PCDH15: variants seen among roughly 807,000 people sequenced by gnomAD.
PCDH15 encodes protocadherin-15.
In PCDH15, 129 loss-of-function variants were observed where a neutral mutation model predicts 178.5. The observed-to-expected ratio is 0.72, with a 90% CI of 0.63 to 0.84. PCDH15 has a LOEUF of 0.84. Ranked by LOEUF, PCDH15 falls within the 40% of genes least tolerant of loss-of-function variation. The pLI is 0.00. For synonymous variants in PCDH15, 800 were observed against 732.0 expected, an observed-to-expected ratio of 1.09 and a Z score of -1.50; for missense variants, 2,230 against 2,099.9, an observed-to-expected ratio of 1.06 and a Z score of -1.21.
At chr10:55,313,676 A>C (rs1843648137) in intron 1 of PCDH15, among the ~76,000 whole-genome samples, 1 of 152,176 alleles carries the variant, frequency 6.6e-6, no homozygotes, top group Admixed American at 6.5e-5. Context: ...TTATGCTATG[A>C]GTTGATTAAT....
intron 2 of PCDH15, among the ~76,000 whole-genome samples, chr10:55,115,278 T>C (rs955518859): frequency 6.6e-6 from 1 of 152,172 alleles, no homozygotes; most frequent in Non-Finnish European, 1.5e-5. Flanking sequence ...TTTTAAAAAA[T>C]CTTAATGCAA....
At chr10:54,987,563 T>C (rs117958804) in intron 2 of PCDH15, among the ~76,000 whole-genome samples, 4 of 152,194 alleles carry the variant, frequency 2.6e-5, no homozygotes, top group Admixed American at 6.5e-5. Flanking sequence ...CTATTCTGAC[T>C]GGAGTGTGAT....
chr10:54,740,484 A>T (rs562630435), intron 1 of PCDH15, among the ~76,000 whole-genome samples: 2 of 152,064 alleles, frequency 1.3e-5, no homozygotes, highest in Admixed American at 6.6e-5. Flanking sequence ...CTGAAAACTG[A>T]AAATAGAATT....
chr10:55,015,009 T>A (rs2131947242), intron 2 of PCDH15, among the ~76,000 whole-genome samples: 1 of 152,022 alleles, frequency 6.6e-6, no homozygotes. Flanking sequence ...TCACTTGAGG[T>A]CAGGAGTTCA....
chr10:54,147,065 A>G (rs2044053633), intron 14 of PCDH15, among the ~76,000 whole-genome samples: 1 of 148,776 alleles, frequency 6.7e-6, no homozygotes, highest in East Asian at 1.9e-4. Flanking sequence ...TAATCTTTAA[A>G]TATAATCTTC....
chr10:54,242,173 T>TACACACAC (rs2055442889), intron 8 of PCDH15, among the ~76,000 whole-genome samples: 1 of 100,918 alleles, frequency 9.9e-6, no homozygotes, highest in African/African-American at 4.1e-5. Context: ...TATATATATA[T>TACACACAC]ATATATATAT....
intron 9 of PCDH15, among the ~76,000 whole-genome samples, chr10:54,236,088 A>G (rs2044570455): frequency 6.6e-6 from 1 of 152,166 alleles, no homozygotes; most frequent in Admixed American, 6.5e-5. Context: ...GAACTCCATT[A>G]AAGTTATTTT....
At chr10:54,276,318 T>C (rs1274858108) in intron 8 of PCDH15, among the ~76,000 whole-genome samples, 5 of 151,712 alleles carry the variant, frequency 3.3e-5, no homozygotes, top group Admixed American at 2.6e-4. Context: ...CACAACCCTA[T>C]AGAAAAATGG....
intron 27 of PCDH15, among the ~76,000 whole-genome samples, chr10:53,861,302 C>G (rs1274170979): frequency 3.9e-5 from 6 of 152,072 alleles, no homozygotes; most frequent in Non-Finnish European, 5.9e-5. Flanking sequence ...AGCTTAATAA[C>G]TAATGAAAGC....
chr10:54,638,688 C>G (rs767800193), intron 2 of PCDH15, among the ~76,000 whole-genome samples: 138 of 151,902 alleles, frequency 9.1e-4, no homozygotes, highest in Non-Finnish European at 1.6e-3. Context: ...TACTAGGTAT[C>G]TACTCAAAGA....
intron 3 of PCDH15, among the ~76,000 whole-genome samples, chr10:54,490,541 G>C (rs1318866331): frequency 2.0e-5 from 3 of 151,676 alleles, no homozygotes; most frequent in Admixed American, 6.6e-5. Flanking sequence ...TTTTAAAAAA[G>C]TTATCATATG....
At chr10:53,838,112 A>G (rs867409693) in intron 29 of PCDH15, among the ~76,000 whole-genome samples, 17 of 151,710 alleles carry the variant, frequency 1.1e-4, no homozygotes, top group African/African-American at 3.6e-4. Context: ...AGTGGCTGGG[A>G]CTACAGGTGC....
chr10:54,230,222 T>A (rs2053903695), intron 9 of PCDH15, among the ~76,000 whole-genome samples: 1 of 152,080 alleles, frequency 6.6e-6, no homozygotes, highest in African/African-American at 2.4e-5. Flanking sequence ...TTCTAGAGAA[T>A]GGTAAGGCAT....
intron 12 of PCDH15, 92 bp from the exon 13 acceptor site, chr10:54,183,685 G>A (rs2048224473): frequency 1.4e-6 from 2 of 1,458,246 alleles, no homozygotes; most frequent in South Asian, 2.3e-5. Context: ...TTTCTTACAG[G>A]TAATCTTACA....
chr10:54,320,680 G>A (rs2061546410), intron 7 of PCDH15, among the ~76,000 whole-genome samples: 1 of 151,856 alleles, frequency 6.6e-6, no homozygotes, highest in South Asian at 2.1e-4. Flanking sequence ...TGAATTAATA[G>A]ACAAATGATG....
At chr10:55,613,448 T>G (rs1188449090) in intron 2 of PCDH15, among the ~76,000 whole-genome samples, 1 of 152,164 alleles carries the variant, frequency 6.6e-6, no homozygotes. Context: ...ATATGTGAAC[T>G]GATTATTCAC....
At chr10:54,833,438 A>T (rs1953260776) in intron 3 of PCDH15, among the ~76,000 whole-genome samples, 1 of 152,226 alleles carries the variant, frequency 6.6e-6, no homozygotes, top group Non-Finnish European at 1.5e-5. Context: ...GGATTCAAAC[A>T]GTTGAAGTTC....
chr10:54,839,812 G>C (rs185761633), intron 3 of PCDH15, among the ~76,000 whole-genome samples: 81 of 152,050 alleles, frequency 5.3e-4, no homozygotes, highest in Non-Finnish European at 8.2e-4. Flanking sequence ...GGTTATCAGC[G>C]TATTTCTCAG....
At chr10:55,077,460 CTTCCTTTCCTTCCTTCT>C (rs1564777378) in intron 2 of PCDH15, among the ~76,000 whole-genome samples, 13 of 141,624 alleles carry the variant, frequency 9.2e-5, no homozygotes, top group Middle Eastern at 3.6e-3. Context: ...CCCTTCCTTC[CTTCCTTTCCTTCCTTCT>C]TTCCTTTCCT....
Sources: gnomAD v4.1 joint callset for allele counts (sites outside exome capture counted in the v4.1 genomes callset) on GRCh38, gnomAD v4.1.1 for gene constraint, MANE v1.5 for transcripts, NCBI Gene and HGNC (gene_info 2026-07-23, HGNC 2026-07-21) for gene names.